Variants in PANK2 observed in about 807,000 individuals in gnomAD.
PANK2 encodes pantothenate kinase 2, also known as pantothenate kinase 2, mitochondrial.
In PANK2, 36 loss-of-function variants were observed where a neutral mutation model predicts 43.1. The observed-to-expected ratio is 0.84, with a 90% CI of 0.64 to 1.10. The LOEUF (loss-of-function observed/expected upper bound fraction) is 1.10. Ranked by LOEUF, PANK2 falls within the 50% of genes least tolerant of loss-of-function variation. PANK2 has a pLI of 0.00. For missense variants in PANK2, 576 were observed against 593.3 expected (o/e 0.97, Z 0.30); for synonymous variants, 281 against 238.2 (o/e 1.18, Z -1.66).
intron 4 of PANK2, among the ~76,000 whole-genome samples, chr20:3,913,044 CAAT>C (rs972803821): frequency 2.9e-4 from 43 of 149,172 alleles, no homozygotes; most frequent in African/African-American, 9.8e-4. Flanking sequence ...TTGAAGCGTA[CAAT>C]TTAGTGGTTT....
intron 1 of PANK2, chr20:3,890,067 A>C: frequency 3.3e-6 from 2 of 598,302 alleles, no homozygotes; most frequent in Non-Finnish European, 5.2e-6. Context: ...ACTCATTTCC[A>C]CCTCCTTTCC....
At chr20:3,889,344 CG>C, upstream of PANK2, 1 of 1,586,398 alleles carries the variant, frequency 6.3e-7, no homozygotes, top group South Asian at 1.1e-5. Context: ...GCTTCCTGCG[CG>C]TTGGCGCAAC....
At chr20:3,889,172 C>G (rs780163359), upstream of PANK2, 1 of 1,606,508 alleles carries the variant, frequency 6.2e-7, no homozygotes, top group South Asian at 1.1e-5. Context: ...CTGGGCTACA[C>G]CGCCTTCTCT....
chr20:3,910,645 CTCAG>C lies in PANK2; in HGVS notation c.723_726del (p.Val242AspfsTer27). 1 of 1,614,008 alleles carries C rather than the reference CTCAG, an allele frequency of 6.2e-7. No homozygotes were observed. Among genetic ancestry groups the C allele is most frequent in the Non-Finnish European group, 8.5e-7 (1 of 1,179,888 alleles). On this transcript the variant is annotated frameshift_variant, in exon 3 of 7. Transcript: ENST00000610179. LOFTEE classifies it high-confidence loss of function. ...TGATCAAAGGAATTTTATACATTGACTCAGTCGGATTCAATGGACGGTCACAGTG... is the reference window on the plus strand; with the variant it reads ...TGATCAAAGGAATTTTATACATTGACTCGGATTCAATGGACGGTCACAGTG...
Position 3,918,761 on chromosome 20 carries a change from A to C in PANK2, c.1297A>C (p.Lys433Gln). The change falls in exon 6 of 7, where the codon AAG becomes CAG. Residue 433 changes from lysine to glutamine, a missense_variant. Physicochemically the swap from Lys to Gln is moderately conservative, Grantham distance 53. Around this residue, in one of 2 missense-constraint regions of PANK2, gnomAD observed 32 missense variants for 64.3 expected, o/e 0.50. Transcript: ENST00000610179. ...GGCATATGCTTTGGATTATTGGTCCAAGGGGCAGTTGAAAGCACTTTTTTC... is the reference window on the plus strand; with the variant it reads ...GGCATATGCTTTGGATTATTGGTCCCAGGGGCAGTTGAAAGCACTTTTTTC... The C allele has an allele frequency of 1.2e-6, 2 of 1,614,250 alleles. No homozygotes were observed. Among genetic ancestry groups the C allele is most frequent in the Non-Finnish European group, 1.7e-6 (2 of 1,180,038 alleles).
intron 5 of PANK2, 65 bp from the exon 6 acceptor site, chr20:3,918,606 G>C: frequency 6.2e-7 from 1 of 1,603,504 alleles, no homozygotes; most frequent in South Asian, 1.1e-5. Flanking sequence ...GCTGTATTTG[G>C]GGTAGCTTTT....
intron 1 of PANK2, chr20:3,891,228 T>A (rs2090118175): frequency 6.6e-6 from 1 of 152,190 alleles, no homozygotes; most frequent in Non-Finnish European, 1.5e-5. Flanking sequence ...TTTTCAATTT[T>A]TATTTTTTTA....
intron 1 of PANK2, among the ~76,000 whole-genome samples, chr20:3,898,947 T>G (rs1482384605): frequency 6.6e-6 from 1 of 151,810 alleles, no homozygotes; most frequent in Non-Finnish European, 1.5e-5. Context: ...CGACCTCGGC[T>G]CACTGCACCC....
intron 1 of PANK2, among the ~76,000 whole-genome samples, chr20:3,895,979 G>T (rs1012252674): frequency 2.0e-5 from 3 of 152,024 alleles, no homozygotes. Context: ...ATGGATTTGC[G>T]ATGTCATTAA....
chr20:3,913,523 T>C (rs2090502952), intron 4 of PANK2, among the ~76,000 whole-genome samples: 1 of 151,918 alleles, frequency 6.6e-6, no homozygotes, highest in Non-Finnish European at 1.5e-5. Context: ...TTGTATTTTT[T>C]AGTAGGGAAA....
chr20:3,912,749 AG>A (rs1227861457), intron 4 of PANK2, 115 bp downstream of exon 4: 1 of 1,152,392 alleles, frequency 8.7e-7, no homozygotes, highest in Non-Finnish European at 1.2e-6. Flanking sequence ...CAGGAGTTTG[AG>A]ACCAGCCTGG....
upstream of PANK2, chr20:3,889,075 A>T (rs758358293): frequency 9.5e-6 from 14 of 1,474,336 alleles, no homozygotes; most frequent in African/African-American, 1.7e-4. Flanking sequence ...AGGCATGCAC[A>T]AGTGGGGGGC....
intron 1 of PANK2, among the ~76,000 whole-genome samples, chr20:3,896,229 A>ATTTTTT (rs35978823): frequency 7.1e-5 from 8 of 111,930 alleles, no homozygotes; most frequent in Admixed American, 1.0e-4. Context: ...CGCCTGGCTA[A>ATTTTTT]TTTTTTTTTT....
chr20:3,888,955 C>G, upstream of PANK2: 127 of 592,958 alleles, frequency 2.1e-4, no homozygotes, highest in South Asian at 7.7e-4. Flanking sequence ...CGGCCAGACG[C>G]TGCGGGAGCA....
intron 1 of PANK2, among the ~76,000 whole-genome samples, chr20:3,904,824 T>G (rs2090360028): frequency 6.6e-6 from 1 of 152,208 alleles, no homozygotes; most frequent in Non-Finnish European, 1.5e-5. Flanking sequence ...TTCTCATTTT[T>G]GTAGTGTTTA....
intron 1 of PANK2, among the ~76,000 whole-genome samples, chr20:3,897,654 T>C (rs1022075781): frequency 1.3e-5 from 2 of 151,636 alleles, no homozygotes; most frequent in African/African-American, 2.4e-5. Flanking sequence ...ACCTGGTGAT[T>C]GTACCACTGT....
intron 1 of PANK2, among the ~76,000 whole-genome samples, chr20:3,902,981 AC>A (rs2090326464): frequency 1.2e-5 from 1 of 86,060 alleles, no homozygotes; most frequent in Admixed American, 1.0e-4. Context: ...AGACACACAC[AC>A]ACACACACAC....
chr20:3,897,448 C>G (rs920556671), intron 1 of PANK2, among the ~76,000 whole-genome samples: 14 of 152,172 alleles, frequency 9.2e-5, no homozygotes, highest in Non-Finnish European at 1.5e-4. Flanking sequence ...CGTCTGTAAT[C>G]TCAGTACTTT....
intron 1 of PANK2, among the ~76,000 whole-genome samples, chr20:3,898,588 T>G (rs1249230379): frequency 1.3e-5 from 2 of 152,088 alleles, no homozygotes; most frequent in Admixed American, 6.6e-5. Context: ...GGTTTCTATA[T>G]ATTGTATTCT....
Sources: gnomAD v4.1 joint callset for allele counts (sites outside exome capture counted in the v4.1 genomes callset) on GRCh38, gnomAD v4.1.1 for gene constraint, gnomAD v4.1.1 regional missense constraint, MANE v1.5 for transcripts, NCBI Gene and HGNC (gene_info 2026-07-23, HGNC 2026-07-21) for gene names.